Variants in SDCCAG8 observed in about 807,000 individuals in gnomAD.
The protein encoded by SDCCAG8 is serologically defined colon cancer antigen 8.
A neutral mutation model predicts 101.8 loss-of-function variants in SDCCAG8; 74 were observed. That is an observed-to-expected ratio of 0.73 (90% confidence interval 0.60 to 0.88). The LOEUF (loss-of-function observed/expected upper bound fraction) is 0.88. Among genes scored for constraint, SDCCAG8 ranks in the 40% least tolerant of loss-of-function variants. The probability of loss-of-function intolerance (pLI) is 0.00; values close to 1 mark genes in which losing one functional copy is unlikely to be tolerated. For synonymous variants in SDCCAG8, 281 were observed against 292.9 expected (o/e 0.96, Z 0.41); for missense variants, 787 against 822.6 (o/e 0.96, Z 0.53).
At chr1:243,460,636 A>G (rs1422893970) in intron 16 of SDCCAG8, among the ~76,000 whole-genome samples, 12 of 152,258 alleles carry the variant, frequency 7.9e-5, no homozygotes, top group African/African-American at 2.4e-4. Context: ...GCTGACTGGA[A>G]CAAAGTGTGA....
chr1:243,451,061 G>A (rs1021456331), intron 16 of SDCCAG8, among the ~76,000 whole-genome samples: 13 of 152,246 alleles, frequency 8.5e-5, no homozygotes, highest in Non-Finnish European at 1.9e-4. Flanking sequence ...GGTAAAAGTA[G>A]TATACATTAT....
At chr1:243,450,304 G>GCTGA (rs2083256395) in intron 16 of SDCCAG8, among the ~76,000 whole-genome samples, 2 of 152,180 alleles carry the variant, frequency 1.3e-5, no homozygotes, top group South Asian at 4.1e-4. Flanking sequence ...ATTAATATAG[G>GCTGA]CTGATTCCAT....
At chr1:243,376,038 A>G (rs1416695295) in intron 12 of SDCCAG8, among the ~76,000 whole-genome samples, 2 of 152,208 alleles carry the variant, frequency 1.3e-5, no homozygotes, top group South Asian at 2.1e-4. Context: ...TGAAATTACA[A>G]TAGATGAAGT....
intron 12 of SDCCAG8, among the ~76,000 whole-genome samples, chr1:243,374,757 A>G (rs763972326): frequency 1.3e-5 from 2 of 152,138 alleles, no homozygotes; most frequent in African/African-American, 2.4e-5. Flanking sequence ...CACAGAAAAC[A>G]GAGAACCCTA....
At chr1:243,436,999 A>G (rs1406894529) in intron 16 of SDCCAG8, among the ~76,000 whole-genome samples, 1 of 152,150 alleles carries the variant, frequency 6.6e-6, no homozygotes, top group African/African-American at 2.4e-5. Context: ...CATATATCCA[A>G]TGTAAACCTC....
At chr1:243,486,125 CCG>C (rs1664748980) in intron 16 of SDCCAG8, among the ~76,000 whole-genome samples, 1 of 143,656 alleles carries the variant, frequency 7.0e-6, no homozygotes, top group East Asian at 2.0e-4. Context: ...TTGTTTGAAC[CCG>C]GAGGCGGAGG....
intron 16 of SDCCAG8, among the ~76,000 whole-genome samples, chr1:243,468,221 GTT>G (rs777469574): frequency 3.5e-5 from 5 of 141,174 alleles, no homozygotes; most frequent in Non-Finnish European, 1.6e-5. Context: ...TTCTTCAAAG[GTT>G]TTTTTTTTTT....
At chr1:243,413,300 G>C (rs566126552) in intron 13 of SDCCAG8, among the ~76,000 whole-genome samples, 1 of 152,272 alleles carries the variant, frequency 6.6e-6, no homozygotes, top group Non-Finnish European at 1.5e-5. Context: ...CTACCTCTCA[G>C]GTTGAAGTGA....
intron 7 of SDCCAG8, chr1:243,307,733 TA>T: frequency 7.2e-7 from 1 of 1,383,242 alleles, no homozygotes; most frequent in Non-Finnish European, 9.3e-7. Context: ...AGGCGGATTC[TA>T]ATCTATATTA....
At chr1:243,484,134 G>A (rs1056111822) in intron 16 of SDCCAG8, among the ~76,000 whole-genome samples, 3 of 152,232 alleles carry the variant, frequency 2.0e-5, no homozygotes, top group African/African-American at 2.4e-5. Context: ...ACGCCAGGCC[G>A]ATCCCTCCTG....
intron 4 of SDCCAG8, among the ~76,000 whole-genome samples, chr1:243,279,197 A>T (rs1182498040): frequency 1.3e-5 from 2 of 152,200 alleles, no homozygotes; most frequent in African/African-American, 4.8e-5. Context: ...TCTTAGTGGG[A>T]AACTACTTTC....
chr1:243,305,947 G>A (rs2072054071), intron 7 of SDCCAG8: 1 of 151,756 alleles, frequency 6.6e-6, no homozygotes. Flanking sequence ...AAATTAGCTG[G>A]GTGTGGTGGC....
At position 243,352,872 on chromosome 1, in the gene SDCCAG8, G is replaced by C. The variant is rs556574488; in HGVS notation, c.1473+8541G>C. Among the ~76,000 whole-genome samples the C allele has an allele frequency of 5.3e-5, 8 of 151,822 alleles. No homozygotes were observed. The East Asian group carries it at 1.5e-3, about 29-fold the overall frequency. The stretch of plus-strand genomic sequence containing the variant: ...TAACATTATCTTAAGCATTTTTTCT[G>C]TGTTGCTCCTTATTCTTCATAGTGA... On this transcript the variant is annotated intron_variant, in intron 12 of 17. Coordinates refer to ENST00000366541, the MANE Select transcript of SDCCAG8 (RefSeq NM_006642.5).
At chr1:243,379,547 T>C (rs1026587964) in intron 13 of SDCCAG8, among the ~76,000 whole-genome samples, 3 of 151,946 alleles carry the variant, frequency 2.0e-5, no homozygotes, top group African/African-American at 7.3e-5. Context: ...GAAAAAAACA[T>C]ACACACACAT....
Position 243,274,453 on chromosome 1 carries a change from C to A in SDCCAG8, c.307-90C>A. 3 of 744,278 alleles carry A rather than the reference C, an allele frequency of 4.0e-6. No homozygotes were observed. In the South Asian group the frequency reaches 4.6e-5, roughly 11 times the overall value. The allele number at this position is 744,278 out of a possible 1,614,324, so 46.1% of individuals were successfully genotyped here. A position where few individuals can be genotyped will look rare whatever the true frequency, so the allele number is the denominator to read the frequency against. On this transcript the variant is annotated intron_variant, in intron 3 of 17. Transcript: ENST00000366541. ...GCAAAATTGAGTATGGAGAAGGTAA[C>A]AACTGATTCTTTGCTAAATCCAAAC...
chr1:243,499,719 T>C, intron 17 of SDCCAG8, 37 bp from the exon 18 acceptor site: 1 of 1,505,098 alleles, frequency 6.6e-7, no homozygotes, highest in Non-Finnish European at 9.3e-7. Context: ...TTGAAGAACA[T>C]GAGCTATTGA....
intron 8 of SDCCAG8, among the ~76,000 whole-genome samples, chr1:243,311,082 G>GA (rs11420878): frequency 0.95 from 144,212 of 152,214 alleles, 68,797 homozygotes; most frequent in East Asian, 1. Flanking sequence ...CTACCCTCAA[G>GA]AAAAAACTCA....
At chr1:243,435,114 A>G (rs1482273880) in intron 16 of SDCCAG8, among the ~76,000 whole-genome samples, 1 of 152,210 alleles carries the variant, frequency 6.6e-6, no homozygotes, top group African/African-American at 2.4e-5. Context: ...CCTTGTCCTT[A>G]TGGAACTTAC....
rs891562168 is a variant in SDCCAG8 at position 243,415,742 on chromosome 1, G to A, written c.1657G>A (p.Ala553Thr). The A allele has an allele frequency of 6.2e-7, 1 of 1,613,874 alleles. No homozygotes were observed. The highest frequency in any genetic ancestry group is 1.7e-5 in the Admixed American group (1 of 59,982). Residue 553 changes from alanine (A) to threonine (T), a missense_variant, in exon 14 of 18, where the codon GCA (alanine) becomes ACA (threonine). Physicochemically the swap from Ala to Thr is moderately conservative, Grantham distance 58 (BLOSUM62 0). Coordinates refer to ENST00000366541, the MANE Select transcript of SDCCAG8 (RefSeq NM_006642.5). ...DSIQQSFSKE[A>T]KAQALQAQQR... ...CATTCAGCAGAGCTTTAGCAAGGAA[G>A]CAAAGGCCCAAGCCCTTCAGGCCCA...
Sources: allele counts gnomAD v4.1 joint callset (sites outside exome capture counted in the v4.1 genomes callset), GRCh38; gene constraint gnomAD v4.1.1; transcripts MANE v1.5; gene names NCBI Gene and HGNC (gene_info 2026-07-23, HGNC 2026-07-21).